NCOA2: variants seen among roughly 807,000 people sequenced by gnomAD.
NCOA2 encodes the protein nuclear receptor coactivator 2, also known as class E basic helix-loop-helix protein 75.
Under a neutral mutation model 145.1 loss-of-function variants are expected in NCOA2, and 21 were observed. The ratio of observed to expected loss-of-function variants is 0.14; its 90% CI spans 0.10 to 0.21. The LOEUF (loss-of-function observed/expected upper bound fraction) is 0.21, where lower values mean the gene tolerates loss of function less well. NCOA2 is among the 10% of genes least tolerant of loss of function. The pLI is 1.00. For synonymous variants in NCOA2, 619 were observed against 637.5 expected, an observed-to-expected ratio of 0.97 and a Z score of 0.44; for missense variants, 1,472 against 1,837.6, an observed-to-expected ratio of 0.80 and a Z score of 3.64.
Position 70,276,432 on chromosome 8 carries a change from A to G in NCOA2, c.-20+20312T>C, listed in dbSNP as rs1825473016. ...AATGCCAAATTTTAAGTACACTGAT[A>G]TAGTTTGGTTGTGTCCCCACCCAAA... On this transcript the variant is annotated intron_variant, in intron 2 of 22. Transcript: ENST00000452400. Among the ~76,000 whole-genome samples the G allele has an allele frequency of 3.9e-5, 6 of 152,190 alleles. No homozygotes were observed. The South Asian group carries it at 1.2e-3, about 32-fold the overall frequency.
intron 4 of NCOA2, among the ~76,000 whole-genome samples, chr8:70,178,828 G>C (rs77734474): frequency 6.6e-6 from 1 of 152,120 alleles, no homozygotes; most frequent in Admixed American, 6.5e-5. Context: ...GGCTGGCATC[G>C]GGCCACTACA....
the NCOA2 span, among the ~76,000 whole-genome samples, chr8:70,426,310 A>C: frequency 6.6e-6 from 1 of 152,260 alleles, no homozygotes; most frequent in African/African-American, 2.4e-5. Context: ...CATTCATACT[A>C]AAATAAAACT....
chr8:70,114,397 A>G (rs982434362), intron 22 of NCOA2, among the ~76,000 whole-genome samples: 8 of 152,236 alleles, frequency 5.3e-5, no homozygotes, highest in Non-Finnish European at 1.0e-4. Flanking sequence ...CAAAGGTTAT[A>G]GTGAGCAAAT....
At chr8:70,239,739 T>C (rs1194783727) in intron 2 of NCOA2, among the ~76,000 whole-genome samples, 2 of 152,068 alleles carry the variant, frequency 1.3e-5, no homozygotes, top group Non-Finnish European at 2.9e-5. Flanking sequence ...TTTGGGATAA[T>C]TAAGAGAGAG....
At chr8:70,281,888 G>T (rs1432850325) in intron 2 of NCOA2, among the ~76,000 whole-genome samples, 1 of 152,162 alleles carries the variant, frequency 6.6e-6, no homozygotes, top group Non-Finnish European at 1.5e-5. Flanking sequence ...ACCAAATGTG[G>T]TTCATCATTA....
intron 1 of NCOA2, among the ~76,000 whole-genome samples, chr8:70,363,231 A>C (rs1193787180): frequency 6.6e-6 from 1 of 151,960 alleles, no homozygotes; most frequent in African/African-American, 2.4e-5. Flanking sequence ...AAAATACATA[A>C]AATTAGCCGG....
At position 70,198,817 on chromosome 8, in the gene NCOA2, T is replaced by A. The variant is rs539839469; in HGVS notation, c.259+15086A>T. Among the ~76,000 whole-genome samples, 9 of 152,170 alleles carry A rather than the reference T, an allele frequency of 5.9e-5. 1 individual carries two copies. Among genetic ancestry groups the A allele is most frequent in the Admixed American group, 5.9e-4 (9 of 15,282 alleles). On this transcript the variant is annotated intron_variant, in intron 4 of 22. Transcript: ENST00000452400. ...CTGAGATAGAGCACAGAAAAAAGGA[T>A]GAGGCAGTCTTTTCAGAAGGCAGAG...
At position 70,184,125 on chromosome 8, in the gene NCOA2, G is replaced by A. The variant is rs140899901; in HGVS notation, c.260-9266C>T. 3.9e-3 allele frequency among the ~76,000 whole-genome samples: 599 copies of A among 152,272 alleles called. 4 individuals carry two copies. The highest frequency in any genetic ancestry group is 0.014 in the African/African-American group (577 of 41,542). On this transcript the variant is annotated intron_variant, in intron 4 of 22. Transcript: ENST00000452400. ...ATGGGATGAGAAAAAAGGTCAGACC[G>A]TATTTGCTAAGGGCATCAAGAATAA...
intron 1 of NCOA2, among the ~76,000 whole-genome samples, chr8:70,297,948 C>G (rs1230742911): frequency 6.6e-6 from 1 of 152,076 alleles, no homozygotes; most frequent in Non-Finnish European, 1.5e-5. Flanking sequence ...TTTATGGACT[C>G]AAGAAAAGTG....
intron 1 of NCOA2, among the ~76,000 whole-genome samples, chr8:70,346,059 T>C (rs2136571141): frequency 6.6e-6 from 1 of 152,364 alleles, no homozygotes; most frequent in Middle Eastern, 3.4e-3. Context: ...AATATCCTAA[T>C]CAAGAAATAA....
At chr8:70,414,659 A>G in the NCOA2 span, among the ~76,000 whole-genome samples, 1 of 152,224 alleles carries the variant, frequency 6.6e-6, no homozygotes, top group Non-Finnish European at 1.5e-5. Flanking sequence ...GGTTTTAGGA[A>G]GACAGCTCTG....
intron 17 of NCOA2, 25 bp from the exon 18 acceptor site, chr8:70,128,535 T>C: frequency 6.2e-7 from 1 of 1,606,140 alleles, no homozygotes; most frequent in Non-Finnish European, 8.5e-7. Context: ...ACAGGATGAA[T>C]ACATTTTAAG....
intron 4 of NCOA2, among the ~76,000 whole-genome samples, chr8:70,213,509 C>T (rs548612963): frequency 6.6e-6 from 1 of 152,234 alleles, no homozygotes; most frequent in East Asian, 1.9e-4. Context: ...TGCTGACTAG[C>T]TGAAATAGGA....
At chr8:70,179,534 A>G (rs116603147) in intron 4 of NCOA2, among the ~76,000 whole-genome samples, 1,816 of 152,294 alleles carry the variant, frequency 0.012, 51 homozygotes, top group African/African-American at 0.042. Flanking sequence ...TGAGTATGCT[A>G]TTTTTATGTA....
At chr8:70,239,310 T>A (rs1056583594) in intron 2 of NCOA2, among the ~76,000 whole-genome samples, 1 of 152,030 alleles carries the variant, frequency 6.6e-6, no homozygotes, top group Non-Finnish European at 1.5e-5. Context: ...GATAAACATA[T>A]ACAACAACTT....
intron 2 of NCOA2, among the ~76,000 whole-genome samples, chr8:70,217,411 C>T (rs532242433): frequency 6.6e-6 from 1 of 152,222 alleles, no homozygotes; most frequent in Admixed American, 6.5e-5. Context: ...CATCGGTGCC[C>T]TCTCTCTGTG....
At chr8:70,453,930 G>GC in the NCOA2 span, among the ~76,000 whole-genome samples, 4 of 152,010 alleles carry the variant, frequency 2.6e-5, no homozygotes, top group Non-Finnish European at 5.9e-5. Flanking sequence ...GGGAATAAGC[G>GC]CTATGAGTTT....
intron 1 of NCOA2, among the ~76,000 whole-genome samples, chr8:70,362,665 G>A (rs1007318793): frequency 1.3e-5 from 2 of 152,222 alleles, no homozygotes; most frequent in Admixed American, 1.3e-4. Flanking sequence ...AAGTGCTGGT[G>A]AGGTTCAGAG....
chr8:70,140,178 C>T (rs1810226631), intron 14 of NCOA2, among the ~76,000 whole-genome samples: 1 of 152,078 alleles, frequency 6.6e-6, no homozygotes, highest in Admixed American at 6.6e-5. Context: ...CAGAGTTGTA[C>T]AACCATCACA....
Sources: allele counts gnomAD v4.1 joint callset (sites outside exome capture counted in the v4.1 genomes callset), GRCh38; gene constraint gnomAD v4.1.1; transcripts MANE v1.5; gene names NCBI Gene and HGNC (gene_info 2026-07-23, HGNC 2026-07-21).